DIAPH2: variants seen among roughly 807,000 people sequenced by gnomAD.
DIAPH2 encodes the protein diaphanous related formin 2, also known as protein diaphanous homolog 2.
In DIAPH2, 35 loss-of-function variants were observed where a neutral mutation model predicts 92.7. The ratio of observed to expected loss-of-function variants is 0.38; its 90% CI spans 0.29 to 0.50. DIAPH2 has a LOEUF of 0.50. Among genes scored for constraint, DIAPH2 ranks in the 20% least tolerant of loss-of-function variants. The pLI, the probability that DIAPH2 is intolerant of heterozygous loss-of-function variation, is 0.94. For missense variants in DIAPH2, 701 were observed against 819.5 expected (o/e 0.86, Z 1.77); for synonymous variants, 301 against 280.4 (o/e 1.07, Z -0.73).
At chrX:96,856,088 CT>C (rs1206517638) in intron 4 of DIAPH2, among the ~76,000 whole-genome samples, 1 of 111,868 alleles carries the variant, frequency 8.9e-6, no homozygotes, top group African/African-American at 3.2e-5. Context: ...CTAACAAAAA[CT>C]AATCAATTAA....
intron 17 of DIAPH2, among the ~76,000 whole-genome samples, chrX:96,971,615 A>G (rs1255548704): frequency 8.9e-6 from 1 of 111,753 alleles, no homozygotes; most frequent in Non-Finnish European, 1.9e-5. Flanking sequence ...AAAACCAAAC[A>G]AAATTCATAC....
At chrX:97,185,371 A>ATATATATATG (rs2067579049) in intron 22 of DIAPH2, among the ~76,000 whole-genome samples, 5 of 47,515 alleles carry the variant, frequency 1.1e-4, no homozygotes, top group Admixed American at 3.0e-4. Flanking sequence ...ATATATATGT[A>ATATATATATG]TATATATATG....
chrX:97,308,673 T>G (rs1234122407), intron 23 of DIAPH2, among the ~76,000 whole-genome samples: 4 of 90,343 alleles, frequency 4.4e-5, no homozygotes, highest in Non-Finnish European at 6.3e-5. Flanking sequence ...CAGGCTGGAG[T>G]GCACTGGCAT....
rs868021066 is a variant in DIAPH2, at chrX:97,185,465, A to G, written c.2719+43671A>G. On this transcript the variant is annotated intron_variant, in intron 22 of 26. Coordinates refer to ENST00000324765, the MANE Select transcript of DIAPH2 (RefSeq NM_006729.5). ...TATATATATGTGTGTGTATATATATATATATACACATATATATATATATAT... is the reference window on the plus strand; with the variant it reads ...TATATATATGTGTGTGTATATATATGTATATACACATATATATATATATAT... Among the ~76,000 whole-genome samples the G allele has an allele frequency of 2.0e-3, 63 of 30,853 alleles. 1 individual carries two copies. The highest frequency in any genetic ancestry group is 4.1e-3 in the African/African-American group (29 of 7,139). The allele number at this position is 30,853 out of a possible 115,157, so 26.8% of individuals were successfully genotyped here. A position where few individuals can be genotyped will look rare whatever the true frequency, so the allele number is the denominator to read the frequency against.
intron 22 of DIAPH2, among the ~76,000 whole-genome samples, chrX:97,202,489 CA>C (rs920752993): frequency 4.5e-5 from 5 of 110,027 alleles, no homozygotes; most frequent in African/African-American, 1.3e-4. Context: ...AAATGGAAAG[CA>C]AAAAAATAAA....
intron 17 of DIAPH2, among the ~76,000 whole-genome samples, chrX:97,027,116 AT>A (rs2066340785): frequency 8.9e-6 from 1 of 112,079 alleles, no homozygotes; most frequent in Non-Finnish European, 1.9e-5. Context: ...ATTCATTCTG[AT>A]GGTTATTTTA....
intron 23 of DIAPH2, among the ~76,000 whole-genome samples, chrX:97,324,414 G>T (rs2147659266): frequency 8.9e-6 from 1 of 112,417 alleles, no homozygotes; most frequent in East Asian, 2.8e-4. Flanking sequence ...TCAGGAAAAT[G>T]ACAAAACAGC....
intron 4 of DIAPH2, among the ~76,000 whole-genome samples, chrX:96,844,079 G>C (rs182506041): frequency 8.9e-6 from 1 of 112,239 alleles, no homozygotes; most frequent in East Asian, 2.8e-4. Flanking sequence ...AAGTAAATAA[G>C]TGGCGGAATA....
chrX:96,714,341 C>A (rs190353164), intron 1 of DIAPH2, among the ~76,000 whole-genome samples: 1 of 106,005 alleles, frequency 9.4e-6, no homozygotes, highest in South Asian at 4.4e-4. Context: ...CTCGGCTCAC[C>A]GCAACCTACA....
At chrX:96,755,625 C>G (rs1366096048) in intron 3 of DIAPH2, among the ~76,000 whole-genome samples, 1 of 110,028 alleles carries the variant, frequency 9.1e-6, no homozygotes, top group African/African-American at 3.3e-5. Flanking sequence ...TGCACTCCAG[C>G]CTGGGCGACA....
intron 26 of DIAPH2, among the ~76,000 whole-genome samples, chrX:97,470,468 C>T (rs1229904500): frequency 3.6e-5 from 4 of 111,137 alleles, no homozygotes; most frequent in Non-Finnish European, 7.5e-5. Flanking sequence ...TGTGGGATCA[C>T]AGTCCTTCAG....
At chrX:96,721,865 G>A (rs753848349) in intron 1 of DIAPH2, among the ~76,000 whole-genome samples, 25 of 111,771 alleles carry the variant, frequency 2.2e-4, no homozygotes, top group African/African-American at 7.8e-4. Context: ...TACATTACAG[G>A]TTTGTTTTAG....
intron 26 of DIAPH2, among the ~76,000 whole-genome samples, chrX:97,580,903 T>G (rs1288758579): frequency 1.1e-5 from 1 of 93,361 alleles, no homozygotes; most frequent in Non-Finnish European, 2.1e-5. Flanking sequence ...CTTGGGAGAG[T>G]GTATGTGTCA....
intron 17 of DIAPH2, among the ~76,000 whole-genome samples, chrX:97,034,394 A>AT (rs748691936): frequency 6.4e-5 from 7 of 109,959 alleles, no homozygotes; most frequent in African/African-American, 9.9e-5. Flanking sequence ...TACAGAACAG[A>AT]TTTTTTTTAA....
chrX:97,522,689 T>G (rs1042952776), intron 26 of DIAPH2, among the ~76,000 whole-genome samples: 18 of 111,096 alleles, frequency 1.6e-4, no homozygotes, highest in African/African-American at 5.9e-4. Flanking sequence ...GGAACCCTCA[T>G]TTTTTTTTGT....
intron 1 of DIAPH2, among the ~76,000 whole-genome samples, chrX:96,718,111 C>A (rs774764006): frequency 1.9e-5 from 2 of 106,075 alleles, no homozygotes; most frequent in South Asian, 8.5e-4. Context: ...AACTTCCCAG[C>A]CTCTGGTAAA....
intron 17 of DIAPH2, among the ~76,000 whole-genome samples, chrX:97,040,262 A>G (rs1480369266): frequency 2.8e-5 from 3 of 106,168 alleles, no homozygotes; most frequent in Non-Finnish European, 5.8e-5. Flanking sequence ...ATCTCGGTCT[A>G]TTTGAGTGCC....
intron 3 of DIAPH2, among the ~76,000 whole-genome samples, chrX:96,748,920 CA>C (rs1222321936): frequency 9.0e-6 from 1 of 110,676 alleles, no homozygotes; most frequent in Admixed American, 9.7e-5. Context: ...TCAGTGTCCA[CA>C]AATAAAGTTT....
chrX:97,336,747 C>T, intron 23 of DIAPH2, among the ~76,000 whole-genome samples: 2 of 111,443 alleles, frequency 1.8e-5, no homozygotes, highest in Middle Eastern at 4.6e-3. Context: ...GAAGAAATCA[C>T]TCTGCTGGGT....
Sources: gnomAD v4.1 joint callset for allele counts (sites outside exome capture counted in the v4.1 genomes callset) on GRCh38, gnomAD v4.1.1 for gene constraint, MANE v1.5 for transcripts, NCBI Gene and HGNC (gene_info 2026-07-23, HGNC 2026-07-21) for gene names.